The following FGGY variants were observed in gnomAD, a reference collection of about 807,000 sequenced individuals.
FGGY encodes the protein FGGY carbohydrate kinase domain containing, also known as FGGY carbohydrate kinase domain-containing protein.
Under a neutral mutation model 71.3 loss-of-function variants are expected in FGGY, and 72 were observed. The ratio of observed to expected loss-of-function variants is 1.01; its 90% confidence interval spans 0.84 to 1.23. FGGY has a LOEUF of 1.23. Ranked by LOEUF, FGGY falls within the 50% of genes most tolerant of loss-of-function variation. The pLI, the probability that FGGY is intolerant of heterozygous loss-of-function variation, is 0.00. For missense variants in FGGY, 668 were observed against 682.3 expected, an observed-to-expected ratio of 0.98 and a Z score of 0.23; for synonymous variants, 251 against 250.3, an observed-to-expected ratio of 1.00 and a Z score of -0.02.
Position 59,386,236 on chromosome 1 carries a change from G to A in FGGY, c.554+7399G>A, listed in dbSNP as rs116874086. Among the ~76,000 whole-genome samples, 313 of 151,920 alleles carry A rather than the reference G, an allele frequency of 2.1e-3. 5 individuals are homozygous for A. In the East Asian group the frequency reaches 0.036, roughly 18 times the overall value. ...TTTTTACCATGTTACATTTAGTCAC[G>A]CCTTCTCAGGCTCTTCTTGGCTGTG... On this transcript the variant is annotated intron_variant, in intron 5 of 15. Coordinates refer to ENST00000303721, the MANE Select transcript of FGGY (RefSeq NM_018291.5).
At chr1:59,669,540 CTTTTTTTTTTT>C (rs58004594) in intron 13 of FGGY, among the ~76,000 whole-genome samples, 1 of 102,498 alleles carries the variant, frequency 9.8e-6, no homozygotes, top group Non-Finnish European at 1.8e-5. Context: ...TTCTAGACTT[CTTTTTTTTTTT>C]TTTTTTTTTT....
intron 2 of FGGY, among the ~76,000 whole-genome samples, chr1:59,330,585 A>G (rs973002940): frequency 6.6e-6 from 1 of 151,900 alleles, no homozygotes; most frequent in Non-Finnish European, 1.5e-5. Context: ...AAAAAAAAGA[A>G]AAGAAAAGAA....
intron 7 of FGGY, among the ~76,000 whole-genome samples, chr1:59,546,858 C>A (rs565221407): frequency 1.3e-4 from 19 of 151,390 alleles, no homozygotes; most frequent in African/African-American, 4.1e-4. Context: ...TAAAAGTAAA[C>A]CTACTTTAGG....
chr1:59,312,001 G>C (rs1265072247), intron 1 of FGGY, among the ~76,000 whole-genome samples: 2 of 152,232 alleles, frequency 1.3e-5, no homozygotes, highest in African/African-American at 4.8e-5. Context: ...CTAATGATCA[G>C]TGATGTTGAG....
chr1:59,663,217 T>G (rs999859772), intron 12 of FGGY, among the ~76,000 whole-genome samples: 47 of 152,298 alleles, frequency 3.1e-4, no homozygotes, highest in African/African-American at 1.1e-3. Flanking sequence ...GGAGGACCAT[T>G]TGCCGAGGTC....
chr1:59,674,429 C>T (rs898857178), intron 14 of FGGY, among the ~76,000 whole-genome samples: 5 of 152,066 alleles, frequency 3.3e-5, no homozygotes, highest in African/African-American at 1.2e-4. Context: ...TCTTTGAGCA[C>T]ATGAAACAGG....
At chr1:59,595,008 C>G (rs2096502687) in intron 8 of FGGY, among the ~76,000 whole-genome samples, 1 of 152,180 alleles carries the variant, frequency 6.6e-6, no homozygotes, top group Non-Finnish European at 1.5e-5. Flanking sequence ...AGGGGAAGGG[C>G]TGGTTCCACT....
chr1:59,627,483 TATATATAC>T lies in FGGY; in HGVS notation c.1073+1436_1073+1443del, dbSNP rs1427093096. ...ATATATATATATATATATATATATA[TATATATAC>T]ACACACACACACACACACAGCTGGA... On this transcript the variant is annotated intron_variant, in intron 10 of 15. Transcript: ENST00000303721. Among the ~76,000 whole-genome samples the T allele has an allele frequency of 6.3e-3, 802 of 127,924 alleles. 9 individuals are homozygous for T. The highest frequency in any genetic ancestry group is 0.024 in the African/African-American group (669 of 28,452). 83.9% of individuals were successfully genotyped at this position (127,924 alleles called of 152,430 possible).
intron 6 of FGGY, among the ~76,000 whole-genome samples, chr1:59,498,179 T>G (rs1283320216): frequency 1.3e-5 from 2 of 151,726 alleles, no homozygotes; most frequent in Non-Finnish European, 2.9e-5. Context: ...TACCAAGAAT[T>G]TATTATCATT....
intron 7 of FGGY, among the ~76,000 whole-genome samples, chr1:59,539,747 T>A (rs1299460402): frequency 6.6e-6 from 1 of 152,116 alleles, no homozygotes; most frequent in Non-Finnish European, 1.5e-5. Context: ...GATTGGTAAA[T>A]AAGACTATGT....
At chr1:59,301,354 T>C (rs146573103) in intron 1 of FGGY, among the ~76,000 whole-genome samples, 74 of 152,364 alleles carry the variant, frequency 4.9e-4, no homozygotes, top group African/African-American at 1.7e-3. Context: ...AGCATTTTTG[T>C]AGATGCCATC....
chr1:59,595,229 A>G (rs1428341033), intron 8 of FGGY, among the ~76,000 whole-genome samples: 1 of 152,204 alleles, frequency 6.6e-6, no homozygotes, highest in Non-Finnish European at 1.5e-5. Flanking sequence ...ATTATAGATA[A>G]GAATATGAAA....
intron 15 of FGGY, among the ~76,000 whole-genome samples, chr1:59,762,183 G>A (rs554522006): frequency 2.6e-5 from 4 of 151,582 alleles, no homozygotes; most frequent in South Asian, 2.1e-4. Flanking sequence ...TCCGCCCCCC[G>A]GGTTCAAGCA....
intron 3 of FGGY, among the ~76,000 whole-genome samples, chr1:59,345,112 G>T (rs1398122942): frequency 6.6e-6 from 1 of 152,208 alleles, no homozygotes; most frequent in Non-Finnish European, 1.5e-5. Context: ...TCAGAGGGTT[G>T]TTTTGAGGAT....
In FGGY at chr1:59,419,442, A is replaced by G. The variant is rs542177365; in HGVS notation, c.555-37519A>G. 1.1e-4 allele frequency among the ~76,000 whole-genome samples: 16 copies of G among 152,334 alleles called. No homozygotes were observed. In the East Asian group the frequency reaches 3.1e-3, roughly 29 times the overall value. On this transcript the variant is annotated intron_variant, in intron 5 of 15. Transcript: ENST00000303721. ...CACTATGAGCTGAGTAAAAAGCAGT[A>G]TTGATTTAAATGAGTTATGAAGAGT...
chr1:59,374,222 C>A (rs9803858), intron 4 of FGGY, among the ~76,000 whole-genome samples: 3,001 of 152,224 alleles, frequency 0.02, 102 homozygotes, highest in African/African-American at 0.068. Context: ...AAACAAGCAA[C>A]CCCATCAAAA....
At chr1:59,474,626 G>A (rs1274146668) in intron 6 of FGGY, among the ~76,000 whole-genome samples, 1 of 152,190 alleles carries the variant, frequency 6.6e-6, no homozygotes, top group Admixed American at 6.5e-5. Context: ...ATTTACATAG[G>A]TAAATTTACC....
chr1:59,622,916 T>G (rs1201311984), intron 9 of FGGY, among the ~76,000 whole-genome samples: 1 of 152,218 alleles, frequency 6.6e-6, no homozygotes, highest in Admixed American at 6.5e-5. Flanking sequence ...GAGAACTATT[T>G]GCTGTATTTT....
intron 7 of FGGY, among the ~76,000 whole-genome samples, chr1:59,525,645 T>C (rs1219548880): frequency 6.6e-6 from 1 of 152,210 alleles, no homozygotes; most frequent in Admixed American, 6.5e-5. Context: ...ATTTATTACT[T>C]GATTTACAGG....
Sources: allele counts gnomAD v4.1 joint callset (sites outside exome capture counted in the v4.1 genomes callset), GRCh38; gene constraint gnomAD v4.1.1; transcripts MANE v1.5; gene names NCBI Gene and HGNC (gene_info 2026-07-23, HGNC 2026-07-21).